The following DCLK1 variants were observed in gnomAD, a reference collection of about 807,000 sequenced individuals.
DCLK1 encodes serine/threonine-protein kinase DCLK1.
A neutral mutation model predicts 86.2 loss-of-function variants in DCLK1; 16 were observed. The ratio of observed to expected loss-of-function variants is 0.19; its 90% CI spans 0.13 to 0.28. The LOEUF is 0.28. Among genes scored for constraint, DCLK1 ranks in the 10% least tolerant of loss-of-function variants. The pLI is 1.00. For missense variants in DCLK1, 590 were observed against 940.2 expected (o/e 0.63, Z 4.87); for synonymous variants, 369 against 370.5 (o/e 1.00, Z 0.05).
At chr13:36,069,583 T>G (rs2153161014) in intron 3 of DCLK1, among the ~76,000 whole-genome samples, 1 of 152,246 alleles carries the variant, frequency 6.6e-6, no homozygotes, top group East Asian at 1.9e-4. Context: ...TATGTTTCCT[T>G]CCCATCCCCT....
At chr13:35,925,455 A>C (rs1325511716) in intron 4 of DCLK1, among the ~76,000 whole-genome samples, 1 of 152,240 alleles carries the variant, frequency 6.6e-6, no homozygotes, top group Admixed American at 6.5e-5. Context: ...GCAAAGCTGC[A>C]GAAACGATGC....
intron 2 of DCLK1, among the ~76,000 whole-genome samples, chr13:36,113,955 T>A (rs1301849107): frequency 6.6e-6 from 1 of 152,170 alleles, no homozygotes; most frequent in African/African-American, 2.4e-5. Flanking sequence ...CACTCCCCAG[T>A]GAGACACACA....
intron 5 of DCLK1, among the ~76,000 whole-genome samples, chr13:35,856,899 G>A (rs1261104432): frequency 6.6e-6 from 1 of 152,160 alleles, no homozygotes; most frequent in East Asian, 1.9e-4. Flanking sequence ...GGAAATTGAG[G>A]CTTACAGATG....
At chr13:36,095,048 C>T (rs1252526174) in intron 3 of DCLK1, among the ~76,000 whole-genome samples, 1 of 152,136 alleles carries the variant, frequency 6.6e-6, no homozygotes, top group Non-Finnish European at 1.5e-5. Context: ...CCCAGTTGAA[C>T]TGAACAATTT....
intron 5 of DCLK1, among the ~76,000 whole-genome samples, chr13:35,861,765 G>A (rs904957992): frequency 6.6e-6 from 1 of 151,894 alleles, no homozygotes; most frequent in African/African-American, 2.4e-5. Flanking sequence ...AGTGGCTCAC[G>A]CCTGAAATCC....
intron 3 of DCLK1, among the ~76,000 whole-genome samples, chr13:36,022,583 G>A (rs75675922): frequency 1.3e-5 from 2 of 151,934 alleles, no homozygotes; most frequent in Non-Finnish European, 2.9e-5. Flanking sequence ...TAAAAGAGGG[G>A]TCATCACTTT....
intron 3 of DCLK1, among the ~76,000 whole-genome samples, chr13:36,055,219 A>G (rs1410726396): frequency 6.6e-6 from 1 of 152,174 alleles, no homozygotes; most frequent in Non-Finnish European, 1.5e-5. Context: ...AAATGGATAA[A>G]TAATGACTTG....
chr13:35,988,504 C>T (rs1024021134), intron 3 of DCLK1, among the ~76,000 whole-genome samples: 4 of 152,208 alleles, frequency 2.6e-5, no homozygotes, highest in African/African-American at 9.7e-5. Flanking sequence ...AAAGTGTTAA[C>T]TCAATTTTCC....
intron 5 of DCLK1, among the ~76,000 whole-genome samples, chr13:35,859,804 T>A (rs1200158073): frequency 6.6e-6 from 1 of 152,248 alleles, no homozygotes; most frequent in Non-Finnish European, 1.5e-5. Context: ...AAAGTTACTT[T>A]AAAAAATCTA....
rs888155514 is a variant in DCLK1, at chr13:35,769,331, A to G, written c.*5204T>C. ...ATTGAAACCTTTCAGAAACTTGTTT[A>G]AATGCGCCAAGTCCCTACGCACCTT... On this transcript the variant is annotated 3_prime_UTR_variant, in exon 17 of 17. Coordinates refer to ENST00000360631, the MANE Select transcript of DCLK1 (RefSeq NM_001330071.2). 6.6e-6 allele frequency: 1 copy of G among 152,212 alleles called. No individual in the cohort carries two copies. 9.4% of individuals were successfully genotyped at this position (152,212 alleles called of 1,614,324 possible).
intron 3 of DCLK1, among the ~76,000 whole-genome samples, chr13:35,955,883 T>C (rs1244955943): frequency 1.3e-5 from 2 of 152,160 alleles, no homozygotes; most frequent in African/African-American, 2.4e-5. Context: ...TGACCATCTG[T>C]CTGAGTGATT....
intron 11 of DCLK1, among the ~76,000 whole-genome samples, chr13:35,811,873 T>C (rs2087153506): frequency 6.6e-6 from 1 of 152,138 alleles, no homozygotes. Context: ...TGCAATTCTT[T>C]AGTAACTAAA....
At chr13:35,969,426 A>G (rs1878958815) in intron 3 of DCLK1, among the ~76,000 whole-genome samples, 1 of 152,224 alleles carries the variant, frequency 6.6e-6, no homozygotes, top group South Asian at 2.1e-4. Flanking sequence ...GCCACAAGCC[A>G]AGGATACTTG....
chr13:35,850,445 T>G (rs1159941921), intron 6 of DCLK1: 2 of 1,105,520 alleles, frequency 1.8e-6, no homozygotes, highest in African/African-American at 3.3e-5. Flanking sequence ...GTGTATGAAA[T>G]TCATCTAGAG....
In DCLK1 at chr13:35,995,080, T is replaced by A. The variant is rs1327789600; in HGVS notation, c.724-47623A>T. ...ACCAAATAGCATATGCTCTGAGAAA[T>A]TTTTGTCTAAGTGTTCTCCAAGGTA... is the stretch of plus-strand genomic sequence containing the variant. On this transcript the variant is annotated intron_variant, in intron 3 of 16. Transcript: ENST00000360631. Among the ~76,000 whole-genome samples, 4 of 152,222 alleles carry A rather than the reference T, an allele frequency of 2.6e-5. No individual in the cohort carries two copies. In the East Asian group the frequency reaches 5.8e-4, roughly 22 times the overall value.
intron 3 of DCLK1, among the ~76,000 whole-genome samples, chr13:36,092,709 AT>A (rs758227549): frequency 6.6e-6 from 1 of 151,088 alleles, no homozygotes; most frequent in Non-Finnish European, 1.5e-5. Context: ...GATGGTCTCG[AT>A]CTCCTGACCT....
chr13:35,793,494 A>G lies in DCLK1; in HGVS notation c.1945-15T>C, dbSNP rs749998565. ...AGGCCATCATCCTGGAGAAAAAGAA[A>G]TAAAGAGAAGAGAAAAAGAAAGAAA... On this transcript the variant is annotated splice_polypyrimidine_tract_variant and intron_variant, in intron 15 of 16. Coordinates refer to ENST00000360631, the MANE Select transcript of DCLK1 (RefSeq NM_001330071.2). 1.3e-6 allele frequency: 2 copies of G among 1,576,266 alleles called. No individual in the cohort carries two copies. Among genetic ancestry groups the G allele is most frequent in the Admixed American group, 1.8e-5 (1 of 54,182 alleles).
chr13:36,131,502 C>A (rs1467215954), upstream of DCLK1, among the ~76,000 whole-genome samples: 1 of 152,090 alleles, frequency 6.6e-6, no homozygotes, highest in African/African-American at 2.4e-5. Context: ...CTTGGCAGGG[C>A]GCACCCACCA....
intron 3 of DCLK1, among the ~76,000 whole-genome samples, chr13:35,962,044 T>C (rs1878489229): frequency 6.6e-6 from 1 of 152,212 alleles, no homozygotes. Flanking sequence ...TCCAAACACA[T>C]GTACTGTTAA....
Sources: allele counts gnomAD v4.1 joint callset (sites outside exome capture counted in the v4.1 genomes callset), GRCh38; gene constraint gnomAD v4.1.1; transcripts MANE v1.5; gene names NCBI Gene and HGNC (gene_info 2026-07-23, HGNC 2026-07-21).